Variants in COLEC12 observed in about 807,000 individuals in gnomAD.
COLEC12 encodes collectin subfamily member 12, also known as collectin-12.
In COLEC12, 33 loss-of-function variants were observed where a neutral mutation model predicts 71.1. The observed-to-expected ratio is 0.46, with a 90% CI of 0.35 to 0.62. The LOEUF is 0.62. Among genes scored for constraint, COLEC12 ranks in the 20% least tolerant of loss-of-function variants. The probability of loss-of-function intolerance (pLI) is 0.00; values close to 1 mark genes in which losing one functional copy is unlikely to be tolerated. For synonymous variants in COLEC12, 350 were observed against 353.0 expected, an observed-to-expected ratio of 0.99 and a Z score of 0.10; for missense variants, 765 against 916.1, an observed-to-expected ratio of 0.84 and a Z score of 2.13.
At chr18:421,481 C>T (rs1325358473) in intron 2 of COLEC12, among the ~76,000 whole-genome samples, 2 of 151,980 alleles carry the variant, frequency 1.3e-5, no homozygotes, top group African/African-American at 4.8e-5. Context: ...TGCTTGTAGG[C>T]TGATGAGGCA....
rs1180912734 is a variant in COLEC12, at chr18:357,522, C to T, written c.59G>A (p.Gly20Asp). The change falls in exon 3 of 10, where the codon GGT becomes GAT. Residue 20 changes from glycine to aspartate, a missense_variant and splice_region_variant. Transcript: ENST00000400256. ...EVQSFGYKRF[G>D]IQEGTQCTKC... ...GGTACATTGTGTTCCTTCCTGAATACCTGTAAGAGAAGTCAAATTTTAATA... is the reference window on the plus strand; with the variant it reads ...GGTACATTGTGTTCCTTCCTGAATATCTGTAAGAGAAGTCAAATTTTAATA... 6.6e-7 allele frequency: 1 copy of T among 1,520,812 alleles called. No individual in the cohort carries two copies. The highest frequency in any genetic ancestry group is 1.4e-5 in the African/African-American group (1 of 71,388). 94.2% of individuals were successfully genotyped at this position (1,520,812 alleles called of 1,614,324 possible).
chr18:357,410 CA>C lies in COLEC12; in HGVS notation c.170del (p.Leu57TrpfsTer6). On this transcript the variant is annotated frameshift_variant, in exon 3 of 10. Coordinates refer to ENST00000400256, the MANE Select transcript of COLEC12 (RefSeq NM_130386.3). LOFTEE classifies it high-confidence loss of function. ...CALLTITVAI[L>X]GYKVVEKMDN... ...AGAAAGCATGCTTACCTTTATATCC[CA>C]AAATGGCTACTGTGATTGTTAGCAA... The C allele has an allele frequency of 6.3e-7, 1 of 1,595,746 alleles. No homozygotes were observed. The highest frequency in any genetic ancestry group is 8.5e-7 in the Non-Finnish European group (1 of 1,174,688).
At chr18:378,305 A>C (rs1445150808) in intron 2 of COLEC12, among the ~76,000 whole-genome samples, 1 of 152,232 alleles carries the variant, frequency 6.6e-6, no homozygotes, top group Non-Finnish European at 1.5e-5. Context: ...CTGAGGGCAC[A>C]TCAGAAGAAG....
At chr18:453,922 A>C (rs1916812522) in intron 2 of COLEC12, among the ~76,000 whole-genome samples, 2 of 152,296 alleles carry the variant, frequency 1.3e-5, no homozygotes, top group South Asian at 2.1e-4. Context: ...TCTAACATAC[A>C]TCCCAAATCT....
intron 1 of COLEC12, among the ~76,000 whole-genome samples, chr18:495,710 C>T (rs768768114): frequency 1.3e-5 from 2 of 152,168 alleles, no homozygotes; most frequent in Admixed American, 6.5e-5. Context: ...TCTAGTGGAG[C>T]GTGACAGCAC....
chr18:374,856 A>G (rs888793589), intron 2 of COLEC12, among the ~76,000 whole-genome samples: 2 of 152,244 alleles, frequency 1.3e-5, no homozygotes, highest in African/African-American at 4.8e-5. Flanking sequence ...CCAGTTAAGT[A>G]GCATCATCAA....
At position 500,456 on chromosome 18, in the gene COLEC12, C is replaced by G; in HGVS notation, c.7+52G>C. ...GGCACCTCCGTGGCCTCCCGCGCGC[C>G]CCGAAGCCCGTTCCCCCCGCCCAGA... is the stretch of plus-strand genomic sequence containing the variant. On this transcript the variant is annotated intron_variant, in intron 1 of 9. Transcript: ENST00000400256. The surrounding 1 kb of genome is among the most constrained non-coding windows in gnomAD (Gnocchi z 5.3). 4 of 1,212,578 alleles carry G rather than the reference C, an allele frequency of 3.3e-6. No homozygotes were observed. The highest frequency in any genetic ancestry group is 4.1e-6 in the Non-Finnish European group (4 of 972,982). 75.1% of individuals were successfully genotyped at this position (1,212,578 alleles called of 1,614,324 possible).
chr18:337,077 C>T (rs1914136189), intron 5 of COLEC12, among the ~76,000 whole-genome samples: 1 of 151,634 alleles, frequency 6.6e-6, no homozygotes, highest in South Asian at 2.1e-4. Context: ...CACTGTGTTG[C>T]CAAGGCTGAC....
chr18:334,447 GTGAAACCCCCTC>G (rs1914057619), intron 6 of COLEC12: 1 of 206,248 alleles, frequency 4.8e-6, no homozygotes, highest in African/African-American at 2.3e-5. Context: ...GGCCAACACG[GTGAAACCCCCTC>G]TCTACTAAAA....
At chr18:498,535 A>G (rs1917757668) in intron 1 of COLEC12, among the ~76,000 whole-genome samples, 1 of 151,534 alleles carries the variant, frequency 6.6e-6, no homozygotes, top group East Asian at 1.9e-4. Context: ...AATTTTTTGT[A>G]TTTTTAGTAA....
At chr18:435,962 C>G (rs187864353) in intron 2 of COLEC12, among the ~76,000 whole-genome samples, 8 of 152,306 alleles carry the variant, frequency 5.3e-5, no homozygotes, top group African/African-American at 1.9e-4. Context: ...GTTCACCTTT[C>G]CCCTTTCATC....
rs759195738 is a variant in COLEC12, at chr18:335,103, G to A, written c.1455C>T (p.Gly485=). 6.2e-7 allele frequency: 1 copy of A among 1,612,532 alleles called. No homozygotes were observed. The change falls in exon 6 of 10, where the codon GGC becomes GGT. Residue 485 remains glycine (G), a synonymous_variant. Coordinates refer to ENST00000400256, the MANE Select transcript of COLEC12 (RefSeq NM_130386.3). ...CGGGGGGACCAGCTGGTCCAATTGG[G>A]CCTCTCTCACCCGCAGGGCCAGGTG... ...PGPPGPAGER[G]PIGPAGPPGE... is the part of the protein sequence containing the mutation.
chr18:469,470 G>A (rs1049251306), intron 2 of COLEC12, among the ~76,000 whole-genome samples: 2 of 152,198 alleles, frequency 1.3e-5, no homozygotes, highest in Non-Finnish European at 1.5e-5. Context: ...ACACATTATG[G>A]ATAGGTAGTA....
At chr18:378,668 G>C (rs548524182) in intron 2 of COLEC12, among the ~76,000 whole-genome samples, 5 of 152,294 alleles carry the variant, frequency 3.3e-5, no homozygotes, top group African/African-American at 4.8e-5. Flanking sequence ...AGCCTATTGT[G>C]CTCTCCGTGA....
At chr18:478,442 G>A (rs1234565512) in intron 2 of COLEC12, among the ~76,000 whole-genome samples, 1 of 152,046 alleles carries the variant, frequency 6.6e-6, no homozygotes, top group Non-Finnish European at 1.5e-5. Flanking sequence ...GTAAGACATT[G>A]TCTCTACAAA....
At chr18:341,894 C>T (rs1914260899) in intron 5 of COLEC12, among the ~76,000 whole-genome samples, 1 of 152,074 alleles carries the variant, frequency 6.6e-6, no homozygotes, top group South Asian at 2.1e-4. Context: ...GGGAAGATGT[C>T]TGATTGTACA....
chr18:372,293 A>C (rs1217046087), intron 2 of COLEC12, among the ~76,000 whole-genome samples: 1 of 152,220 alleles, frequency 6.6e-6, no homozygotes, highest in African/African-American at 2.4e-5. Flanking sequence ...TAAATCAAGC[A>C]CCAGAGTCCT....
chr18:451,227 CAT>C lies in COLEC12; in HGVS notation c.58+29478_58+29479del, dbSNP rs567536849. On this transcript the variant is annotated intron_variant, in intron 2 of 9. Coordinates refer to ENST00000400256, the MANE Select transcript of COLEC12 (RefSeq NM_130386.3). Reference sequence around the variant, plus strand: ...TCCATTCTCATGGTTTTCACTCTCACATATGTTATGACCATTTCCCCTCCTAT... The same window carrying C: ...TCCATTCTCATGGTTTTCACTCTCACATGTTATGACCATTTCCCCTCCTAT... Among the ~76,000 whole-genome samples, 1,381 of 152,370 alleles carry C rather than the reference CAT, an allele frequency of 9.1e-3. 18 individuals are homozygous for C. The highest frequency in any genetic ancestry group is 0.031 in the African/African-American group (1,309 of 41,594).
intron 2 of COLEC12, among the ~76,000 whole-genome samples, chr18:445,003 G>A (rs572476508): frequency 1.3e-5 from 2 of 152,076 alleles, no homozygotes; most frequent in African/African-American, 2.4e-5. Flanking sequence ...ATTTTTAAAC[G>A]AAGGTCAAAT....
Sources: allele counts gnomAD v4.1 joint callset (sites outside exome capture counted in the v4.1 genomes callset), GRCh38; gene constraint gnomAD v4.1.1; non-coding constraint Gnocchi (gnomAD v3.1); transcripts MANE v1.5; gene names NCBI Gene and HGNC (gene_info 2026-07-23, HGNC 2026-07-21).